FAXDC2: variants seen among roughly 807,000 people sequenced by gnomAD.
FAXDC2 encodes the protein fatty acid hydroxylase domain containing 2, also known as fatty acid hydroxylase domain-containing protein 2.
A neutral mutation model predicts 40.9 loss-of-function variants in FAXDC2; 41 were observed. The observed-to-expected ratio is 1.00, with a 90% CI of 0.78 to 1.30. The LOEUF is 1.30. Ranked by LOEUF, FAXDC2 falls within the 50% of genes most tolerant of loss-of-function variation. FAXDC2 has a pLI of 0.00. For synonymous variants in FAXDC2, 157 were observed against 149.3 expected (o/e 1.05, Z -0.38); for missense variants, 390 against 408.8 (o/e 0.95, Z 0.40).
chr5:154,847,319 A>G (rs1047093828), intron 1 of FAXDC2, among the ~76,000 whole-genome samples: 1 of 152,094 alleles, frequency 6.6e-6, no homozygotes, highest in Non-Finnish European at 1.5e-5. Context: ...AGAATCCCCA[A>G]TCTAGATAAA....
intron 4 of FAXDC2, among the ~76,000 whole-genome samples, chr5:154,833,966 C>T (rs981980537): frequency 1.5e-4 from 22 of 151,394 alleles, no homozygotes; most frequent in Non-Finnish European, 2.2e-4. Context: ...CCACGCCTGG[C>T]CTCCCATCTT....
chr5:154,841,774 C>T (rs1331501742), intron 1 of FAXDC2, among the ~76,000 whole-genome samples: 6 of 150,110 alleles, frequency 4.0e-5, no homozygotes, highest in African/African-American at 1.2e-4. Flanking sequence ...CTCACTCTGT[C>T]GCCCAGGCTG....
At chr5:154,827,413 CTGT>C (rs1455725960) in intron 5 of FAXDC2, among the ~76,000 whole-genome samples, 1 of 102,198 alleles carries the variant, frequency 9.8e-6, no homozygotes, top group African/African-American at 3.6e-5. Flanking sequence ...GTTGTTTTTT[CTGT>C]TATTTTGTGT....
intron 1 of FAXDC2, 83 bp from the exon 2 acceptor site, chr5:154,838,261 A>G (rs758787547): frequency 1.4e-5 from 18 of 1,247,148 alleles, no homozygotes; most frequent in Admixed American, 2.3e-5. Flanking sequence ...GTCAAAGTGT[A>G]TGGCTAGCAG....
intron 4 of FAXDC2, among the ~76,000 whole-genome samples, chr5:154,832,492 C>T (rs1489395509): frequency 4.6e-5 from 7 of 152,050 alleles, no homozygotes; most frequent in African/African-American, 9.7e-5. Flanking sequence ...TGAGCCACTG[C>T]GCCTGGCCCA....
At position 154,820,393 on chromosome 5, in the gene FAXDC2, A is replaced by G. The variant is rs1255773736; in HGVS notation, c.925T>C (p.Tyr309His). ...CCCAGCAGGAGGACATGTCTCTCGT[A>G]GGCCTTGGTCTGCTTGAACATGGTG... Reference protein sequence around the residue: ...TDTMFKQTKAYERHVLLLGFT... With the variant: ...TDTMFKQTKAHERHVLLLGFT... The change falls in exon 9 of 9, where the codon TAC (tyrosine) becomes CAC (histidine). Residue 309 changes from tyrosine (Y) to histidine (H), a missense_variant. Transcript: ENST00000326080. The G allele has an allele frequency of 6.2e-7, 1 of 1,613,118 alleles. No individual in the cohort carries two copies. The highest frequency in any genetic ancestry group is 8.5e-7 in the Non-Finnish European group (1 of 1,179,874).
At chr5:154,822,723 C>T (rs781543193) in intron 6 of FAXDC2, 146 bp from the exon 7 acceptor site, 1 of 661,396 alleles carries the variant, frequency 1.5e-6, no homozygotes, top group African/African-American at 1.8e-5. Flanking sequence ...ATTTCAACCC[C>T]AGCCCTTATA....
At chr5:154,848,635 G>A (rs1156252057) in intron 1 of FAXDC2, among the ~76,000 whole-genome samples, 1 of 152,094 alleles carries the variant, frequency 6.6e-6, no homozygotes, top group African/African-American at 2.4e-5. Context: ...CTAATCTGAG[G>A]CTTATATAGA....
chr5:154,836,431 C>T (rs1292724483), intron 2 of FAXDC2: 3 of 152,210 alleles, frequency 2.0e-5, no homozygotes, highest in African/African-American at 7.2e-5. Context: ...CCAGGTGTAT[C>T]ACCAATTTCC....
intron 1 of FAXDC2, among the ~76,000 whole-genome samples, chr5:154,841,378 G>T (rs1760471562): frequency 6.6e-6 from 1 of 152,090 alleles, no homozygotes; most frequent in Non-Finnish European, 1.5e-5. Context: ...ATACTGAGTG[G>T]GTGGCTGGGA....
intron 5 of FAXDC2, among the ~76,000 whole-genome samples, chr5:154,825,056 G>GT (rs1240176742): frequency 8.7e-5 from 6 of 68,866 alleles, no homozygotes; most frequent in Admixed American, 2.2e-4. Context: ...ACCCAATCTT[G>GT]TTAAAAAAAA....
At chr5:154,842,855 T>A (rs1760513757) in intron 1 of FAXDC2, among the ~76,000 whole-genome samples, 1 of 151,162 alleles carries the variant, frequency 6.6e-6, no homozygotes, top group Non-Finnish European at 1.5e-5. Context: ...AAAATAGAGA[T>A]ATAGGGTCTT....
chr5:154,842,512 G>GGTT (rs1760499337), intron 1 of FAXDC2, among the ~76,000 whole-genome samples: 1 of 51,586 alleles, frequency 1.9e-5, no homozygotes, highest in Admixed American at 2.5e-4. Context: ...CCCTTTGTGT[G>GGTT]TTTTTTTTTT....
chr5:154,827,937 C>T (rs545183663), intron 5 of FAXDC2, among the ~76,000 whole-genome samples: 41 of 151,972 alleles, frequency 2.7e-4, no homozygotes, highest in African/African-American at 8.9e-4. Context: ...GTAACCTCGA[C>T]CTCCTGGGCT....
At chr5:154,825,117 C>T (rs1166400693) in intron 5 of FAXDC2, among the ~76,000 whole-genome samples, 1 of 149,848 alleles carries the variant, frequency 6.7e-6, no homozygotes, top group African/African-American at 2.5e-5. Flanking sequence ...GTAATCCCAG[C>T]ACTTTGGGAA....
chr5:154,841,701 C>G (rs1299916134), intron 1 of FAXDC2, among the ~76,000 whole-genome samples: 1 of 151,940 alleles, frequency 6.6e-6, no homozygotes, highest in African/African-American at 2.4e-5. Context: ...CTGCCCTTCA[C>G]ACAGTGCTAG....
At position 154,830,911 on chromosome 5, in the gene FAXDC2, C is replaced by T; in HGVS notation, c.256G>A (p.Val86Met). Residue 86 changes from valine (V) to methionine (M), a missense_variant, in exon 5 of 9, where the codon GTG becomes ATG. Coordinates refer to ENST00000326080, the MANE Select transcript of FAXDC2 (RefSeq NM_032385.5). ...AAGCTCCAGAAGAAGAGACAAGGCA[C>T]TTGGATGGCACCTGAGATTGGGAAA... ...WILFFIGAIQVPCLFFWSFNG... is the reference protein window; with the variant it reads ...WILFFIGAIQMPCLFFWSFNG... 6.2e-7 allele frequency: 1 copy of T among 1,613,968 alleles called. No homozygotes were observed. The highest frequency in any genetic ancestry group is 1.7e-5 in the Admixed American group (1 of 60,026).
At chr5:154,849,030 A>G (rs377529905) in intron 1 of FAXDC2, among the ~76,000 whole-genome samples, 1 of 150,620 alleles carries the variant, frequency 6.6e-6, no homozygotes, top group African/African-American at 2.5e-5. Context: ...CTGTAATCTC[A>G]TAACTTTGGG....
intron 5 of FAXDC2, among the ~76,000 whole-genome samples, chr5:154,827,602 C>T (rs753235069): frequency 1.5e-4 from 23 of 152,084 alleles, no homozygotes; most frequent in Non-Finnish European, 2.4e-4. Flanking sequence ...TACACCTAAC[C>T]GTAGCTTACT....
Sources: allele counts gnomAD v4.1 joint callset (sites outside exome capture counted in the v4.1 genomes callset), GRCh38; gene constraint gnomAD v4.1.1; transcripts MANE v1.5; gene names NCBI Gene and HGNC (gene_info 2026-07-23, HGNC 2026-07-21).